Variants in DSE observed in about 807,000 individuals in gnomAD.
DSE encodes dermatan-sulfate epimerase.
DSE carries 36 observed loss-of-function variants against 84.4 expected under a neutral mutation model. The ratio of observed to expected loss-of-function variants is 0.43; its 90% confidence interval spans 0.33 to 0.56. DSE has a LOEUF of 0.56. Among genes scored for constraint, DSE ranks in the 20% least tolerant of loss-of-function variants. The pLI, the probability that DSE is intolerant of heterozygous loss-of-function variation, is 0.06. For synonymous variants in DSE, 410 were observed against 430.1 expected (o/e 0.95, Z 0.58); for missense variants, 862 against 1,169.6 (o/e 0.74, Z 3.84).
chr6:116,366,468 GGAAAA>G (rs1469982487), upstream of DSE: 1 of 152,084 alleles, frequency 6.6e-6, no homozygotes, highest in Non-Finnish European at 1.5e-5. Context: ...TTAAGTCTAA[GGAAAA>G]GAATAAACAT....
chr6:116,328,167 CA>C (rs1203123662), intron 2 of DSE, among the ~76,000 whole-genome samples: 2 of 152,146 alleles, frequency 1.3e-5, no homozygotes, highest in Non-Finnish European at 2.9e-5. Context: ...TTCCTTCAAC[CA>C]AATTTGTCAA....
intron 2 of DSE, among the ~76,000 whole-genome samples, chr6:116,276,122 T>A (rs1773130203): frequency 6.6e-6 from 1 of 152,174 alleles, no homozygotes; most frequent in South Asian, 2.1e-4. Flanking sequence ...AAGAAACATT[T>A]ATCTCCTCTA....
At chr6:116,295,180 A>T (rs1050020766) in intron 2 of DSE, among the ~76,000 whole-genome samples, 3 of 152,154 alleles carry the variant, frequency 2.0e-5, no homozygotes, top group African/African-American at 7.2e-5. Context: ...CACTTGTGCT[A>T]GGACTTGAAG....
rs1248331228 is a variant in DSE at position 116,299,549 on chromosome 6, TATACACATAC to T, written c.-54+40584_-54+40593del. Among the ~76,000 whole-genome samples the T allele has an allele frequency of 2.2e-3, 113 of 50,800 alleles. 4 individuals are homozygous for T. Among genetic ancestry groups the T allele is most frequent in the African/African-American group, 0.015 (102 of 6,744 alleles). 33.3% of individuals were successfully genotyped at this position (50,800 alleles called of 152,430 possible). On this transcript the variant is annotated intron_variant, in intron 2 of 3. Transcript: ENST00000430252. ...ATATATATATATATATATATATATATATACACATACACACACACACACACATACATATATA... is the reference window on the plus strand; with the variant it reads ...ATATATATATATATATATATATATATACACACACACACACATACATATATA...
chr6:116,386,713 AAC>A (rs935925227), intron 1 of DSE, among the ~76,000 whole-genome samples: 7 of 152,198 alleles, frequency 4.6e-5, no homozygotes, highest in African/African-American at 1.7e-4. Flanking sequence ...ACTGCCATGT[AAC>A]CCAAGGCCTC....
Position 116,439,361 on chromosome 6 carries a change from A to G in DSE, c.*2016A>G, listed in dbSNP as rs747234267. ...TCGCCACAGCATGATCCAGTGTAACATATTAGTTCATTTTAAAGTAGTCTT... is the reference window on the plus strand; with the variant it reads ...TCGCCACAGCATGATCCAGTGTAACGTATTAGTTCATTTTAAAGTAGTCTT... On this transcript the variant is annotated 3_prime_UTR_variant, in exon 6 of 6. Transcript: ENST00000644252. 1.3e-5 allele frequency: 2 copies of G among 152,092 alleles called. No individual in the cohort carries two copies. Among genetic ancestry groups the G allele is most frequent in the Non-Finnish European group, 2.9e-5 (2 of 67,994 alleles). 9.4% of individuals were successfully genotyped at this position (152,092 alleles called of 1,614,324 possible).
At chr6:116,366,238 C>T (rs903655652), upstream of DSE, 3 of 152,176 alleles carry the variant, frequency 2.0e-5, no homozygotes, top group Non-Finnish European at 4.4e-5. Context: ...AGATTTCAGC[C>T]TAGTTTTGTT....
intron 2 of DSE, among the ~76,000 whole-genome samples, chr6:116,335,365 A>G (rs980458749): frequency 6.6e-6 from 1 of 152,088 alleles, no homozygotes; most frequent in African/African-American, 2.4e-5. Context: ...CACACACTGG[A>G]GTCTATGCAA....
At chr6:116,342,676 T>C (rs1777682685) in intron 2 of DSE, among the ~76,000 whole-genome samples, 1 of 152,224 alleles carries the variant, frequency 6.6e-6, no homozygotes, top group Non-Finnish European at 1.5e-5. Flanking sequence ...AGTTAAAATA[T>C]ATACATACAG....
chr6:116,255,574 CTT>C (rs1023728582), intron 1 of DSE: 1 of 152,222 alleles, frequency 6.6e-6, no homozygotes, highest in African/African-American at 2.4e-5. Flanking sequence ...CCTCTTTCCT[CTT>C]TGTCTTAATA....
chr6:116,397,251 C>T (rs1442492842), intron 1 of DSE, among the ~76,000 whole-genome samples: 1 of 146,682 alleles, frequency 6.8e-6, no homozygotes, highest in East Asian at 2.0e-4. Flanking sequence ...TCTCTGTCAC[C>T]CAGCCTGGAG....
exon 2 of DSE, chr6:116,258,450 G>A (rs774112175): frequency 9.5e-6 from 8 of 846,512 alleles, no homozygotes; most frequent in Non-Finnish European, 1.6e-5. Flanking sequence ...TGGTAGGGCT[G>A]CCCTGAAGGG....
intron 2 of DSE, among the ~76,000 whole-genome samples, chr6:116,330,357 G>C (rs568581481): frequency 6.6e-6 from 1 of 152,100 alleles, no homozygotes; most frequent in East Asian, 1.9e-4. Context: ...TCCCTTTCAG[G>C]CATCAAGTAC....
chr6:116,370,084 G>C (rs1392854391), upstream of DSE: 2 of 609,772 alleles, frequency 3.3e-6, no homozygotes, highest in East Asian at 1.4e-4. Context: ...GGCTGAGCGT[G>C]TTTGAGCAGT....
chr6:116,305,186 T>TCC (rs1260027307), intron 2 of DSE, among the ~76,000 whole-genome samples: 1 of 152,030 alleles, frequency 6.6e-6, no homozygotes, highest in Admixed American at 6.6e-5. Context: ...CTGTTGGGTC[T>TCC]CCCACATAAG....
At chr6:116,301,616 G>A (rs1775046433) in intron 2 of DSE, among the ~76,000 whole-genome samples, 1 of 152,138 alleles carries the variant, frequency 6.6e-6, no homozygotes, top group Admixed American at 6.5e-5. Context: ...CAATGGCTGA[G>A]TAGTACTCTT....
At chr6:116,265,931 A>G (rs1772604158) in intron 2 of DSE, among the ~76,000 whole-genome samples, 1 of 152,052 alleles carries the variant, frequency 6.6e-6, no homozygotes, top group Non-Finnish European at 1.5e-5. Context: ...CCCTTCTCTA[A>G]TTAGCTCTCT....
Position 116,440,795 on chromosome 6 carries a change from AG to A in DSE, c.*3453del, listed in dbSNP as rs1784399996. 1 of 152,190 alleles carries A rather than the reference AG, an allele frequency of 6.6e-6. No individual in the cohort carries two copies. The highest frequency in any genetic ancestry group is 1.5e-5 in the Non-Finnish European group (1 of 68,038). 9.4% of individuals were successfully genotyped at this position (152,190 alleles called of 1,614,324 possible). Reference sequence around the variant, plus strand: ...AGCTTAATTCAGGAAAAAAGGAGTTAGGGAAGTCTGAAGGTCTAACTCAAAG... The same window carrying A: ...AGCTTAATTCAGGAAAAAAGGAGTTAGGAAGTCTGAAGGTCTAACTCAAAG... On this transcript the variant is annotated 3_prime_UTR_variant, in exon 6 of 6. Coordinates refer to ENST00000644252, the MANE Select transcript of DSE (RefSeq NM_013352.4).
chr6:116,319,114 C>T (rs571380212), intron 2 of DSE, among the ~76,000 whole-genome samples: 16 of 152,228 alleles, frequency 1.1e-4, no homozygotes, highest in Admixed American at 7.2e-4. Context: ...TGACATAGTA[C>T]TATCCATTTA....
Sources: allele counts gnomAD v4.1 joint callset (sites outside exome capture counted in the v4.1 genomes callset), GRCh38; gene constraint gnomAD v4.1.1; transcripts MANE v1.5; gene names NCBI Gene and HGNC (gene_info 2026-07-23, HGNC 2026-07-21).